Variants in WDR41 observed in about 807,000 individuals in gnomAD.
The protein encoded by WDR41 is WD repeat domain 41.
A neutral mutation model predicts 69.3 loss-of-function variants in WDR41; 63 were observed. The ratio of observed to expected loss-of-function variants is 0.91; its 90% CI spans 0.74 to 1.12. WDR41 has a LOEUF of 1.12. Ranked by LOEUF, WDR41 falls within the 50% of genes most tolerant of loss-of-function variation. The pLI, the probability that WDR41 is intolerant of heterozygous loss-of-function variation, is 0.00. For missense variants in WDR41, 543 were observed against 534.5 expected (o/e 1.02, Z -0.16); for synonymous variants, 185 against 192.1 (o/e 0.96, Z 0.31).
intron 1 of WDR41, among the ~76,000 whole-genome samples, chr5:77,617,377 C>G (rs1044437000): frequency 2.6e-5 from 4 of 152,122 alleles, no homozygotes; most frequent in African/African-American, 9.7e-5. Flanking sequence ...TTTTCTGTCT[C>G]TCTCATCTAC....
chr5:77,467,402 T>G (rs768530656), intron 2 of WDR41, among the ~76,000 whole-genome samples: 6 of 152,132 alleles, frequency 3.9e-5, no homozygotes, highest in Admixed American at 6.5e-5. Flanking sequence ...CTTTGAGATC[T>G]TAAAACTTTA....
At chr5:77,503,851 G>A (rs189107916) in intron 1 of WDR41, among the ~76,000 whole-genome samples, 11 of 151,910 alleles carry the variant, frequency 7.2e-5, no homozygotes, top group South Asian at 2.1e-4. Flanking sequence ...ACAACATACC[G>A]GACTCTCTGG....
chr5:77,489,346 C>G (rs1335155127), intron 2 of WDR41, 111 bp downstream of exon 2: 1 of 551,814 alleles, frequency 1.8e-6, no homozygotes, highest in Non-Finnish European at 3.0e-6. Context: ...TACTAATGAT[C>G]ACAGTTTTTA....
chr5:77,437,448 TACAAAA>T (rs774049843), intron 10 of WDR41, 24 bp from the exon 11 acceptor site: 2 of 1,601,956 alleles, frequency 1.2e-6, no homozygotes, highest in South Asian at 2.2e-5. Flanking sequence ...AAATCAGTAA[TACAAAA>T]AGAGCGCACC....
chr5:77,437,220 G>T, intron 11 of WDR41, 116 bp downstream of exon 11: 1 of 830,904 alleles, frequency 1.2e-6, no homozygotes, highest in Non-Finnish European at 2.0e-6. Context: ...AACATCTGAT[G>T]CCTATTTGGA....
At chr5:77,567,083 C>T (rs183264516) in intron 1 of WDR41, among the ~76,000 whole-genome samples, 2 of 152,196 alleles carry the variant, frequency 1.3e-5, no homozygotes, top group African/African-American at 4.8e-5. Flanking sequence ...GCGACAGAGT[C>T]CATTGCTCTA....
At chr5:77,530,917 G>A (rs1470669963) in intron 1 of WDR41, among the ~76,000 whole-genome samples, 1 of 151,652 alleles carries the variant, frequency 6.6e-6, no homozygotes, top group Non-Finnish European at 1.5e-5. Flanking sequence ...AATGTTAATG[G>A]TACAAGAACT....
At position 77,467,836 on chromosome 5, in the gene WDR41, T is replaced by C. The variant is rs1416129480; in HGVS notation, c.168-3027A>G. Among the ~76,000 whole-genome samples the C allele has an allele frequency of 4.6e-5, 7 of 152,076 alleles. No homozygotes were observed. In the East Asian group the frequency reaches 1.4e-3, roughly 29 times the overall value. ...AATGTAAATATACTACCACAAAAAA[T>C]AGAAACTTAAAAATTTAAAACCCAG... On this transcript the variant is annotated intron_variant, in intron 2 of 12. Transcript: ENST00000296679.
chr5:77,533,374 T>TA (rs1025519329), intron 1 of WDR41, among the ~76,000 whole-genome samples: 35 of 151,978 alleles, frequency 2.3e-4, no homozygotes, highest in African/African-American at 7.2e-4. Flanking sequence ...CAATGAACTC[T>TA]AAAAAAAATA....
chr5:77,491,945 G>C (rs1182196789), intron 1 of WDR41: 1 of 544,016 alleles, frequency 1.8e-6, no homozygotes, highest in Non-Finnish European at 3.2e-6. Flanking sequence ...ACGGGGCCGG[G>C]GGTCTGCAGC....
chr5:77,596,384 G>A (rs1407290130), intron 1 of WDR41, among the ~76,000 whole-genome samples: 1 of 152,078 alleles, frequency 6.6e-6, no homozygotes, highest in Non-Finnish European at 1.5e-5. Context: ...TTGACCTCGT[G>A]ATCCCAAAGT....
intron 12 of WDR41, among the ~76,000 whole-genome samples, chr5:77,435,569 A>T (rs1798905868): frequency 6.6e-6 from 1 of 152,172 alleles, no homozygotes; most frequent in Admixed American, 6.5e-5. Flanking sequence ...ATGAAAAGAA[A>T]TTTTTTGTTC....
chr5:77,615,485 G>A (rs776251076), intron 1 of WDR41, among the ~76,000 whole-genome samples: 2 of 151,896 alleles, frequency 1.3e-5, no homozygotes, highest in African/African-American at 4.8e-5. Flanking sequence ...TGGATAAATG[G>A]TAGTTCATTG....
chr5:77,570,175 T>C (rs1477405623), intron 1 of WDR41, among the ~76,000 whole-genome samples: 1 of 152,112 alleles, frequency 6.6e-6, no homozygotes, highest in East Asian at 1.9e-4. Flanking sequence ...TGAAAACTAA[T>C]TGTTGCTAAC....
At chr5:77,441,046 A>C (rs1337497992) in intron 8 of WDR41, 49 bp from the exon 9 acceptor site, 1 of 1,585,098 alleles carries the variant, frequency 6.3e-7, no homozygotes, top group Non-Finnish European at 8.6e-7. Flanking sequence ...TATCTATGTA[A>C]AGATATAACT....
intron 2 of WDR41, among the ~76,000 whole-genome samples, chr5:77,481,894 T>C (rs1801289142): frequency 6.6e-6 from 1 of 152,046 alleles, no homozygotes; most frequent in African/African-American, 2.4e-5. Context: ...TTCCTACAAC[T>C]ATTCTCAATA....
In WDR41 at chr5:77,618,436, G is replaced by A. The variant is rs1293652382; in HGVS notation, c.42+2043C>T. Among the ~76,000 whole-genome samples the A allele has an allele frequency of 4.0e-5, 6 of 151,804 alleles. No individual in the cohort carries two copies. The South Asian group carries it at 6.2e-4, about 16-fold the overall frequency. The stretch of plus-strand genomic sequence containing the variant: ...CACCCAGGCTAGAGTGCAGTGGCAC[G>A]ATCTCAGCTCACTGCAACCTACGCC... On this transcript the variant is annotated intron_variant, in intron 1 of 5. Transcript: ENST00000509971.
At chr5:77,582,078 T>C (rs1456041485) in intron 1 of WDR41, among the ~76,000 whole-genome samples, 1 of 152,014 alleles carries the variant, frequency 6.6e-6, no homozygotes. Flanking sequence ...ATCAACAAAA[T>C]TGACAAACCT....
At chr5:77,526,853 A>G (rs1319266603) in intron 1 of WDR41, among the ~76,000 whole-genome samples, 1 of 152,144 alleles carries the variant, frequency 6.6e-6, no homozygotes, top group Admixed American at 6.5e-5. Flanking sequence ...ATCAATGCTA[A>G]CGTGATGATT....
Sources: allele counts gnomAD v4.1 joint callset (sites outside exome capture counted in the v4.1 genomes callset), GRCh38; gene constraint gnomAD v4.1.1; transcripts MANE v1.5; gene names NCBI Gene and HGNC (gene_info 2026-07-23, HGNC 2026-07-21).